Variants in ATP6V1C2 observed in about 807,000 individuals in gnomAD.
The protein encoded by ATP6V1C2 is ATPase H+ transporting V1 subunit C2, also known as V-type proton ATPase subunit C 2.
In ATP6V1C2, 45 loss-of-function variants were observed where a neutral mutation model predicts 56.8. The observed-to-expected ratio is 0.79, with a 90% CI of 0.62 to 1.02. ATP6V1C2 has a LOEUF of 1.02. ATP6V1C2 is among the 50% of genes least tolerant of loss of function. The pLI is 0.00. For synonymous variants in ATP6V1C2, 220 were observed against 201.3 expected (o/e 1.09, Z -0.79); for missense variants, 463 against 519.7 (o/e 0.89, Z 1.06).
At chr2:10,770,986 T>C (rs966055628) in intron 6 of ATP6V1C2, among the ~76,000 whole-genome samples, 7 of 152,148 alleles carry the variant, frequency 4.6e-5, no homozygotes, top group African/African-American at 7.2e-5. Flanking sequence ...GGTGGGATAG[T>C]GTAAGGGTAA....
At chr2:10,777,937 G>T (rs1572620887) in intron 11 of ATP6V1C2, among the ~76,000 whole-genome samples, 1 of 138,944 alleles carries the variant, frequency 7.2e-6, no homozygotes, top group East Asian at 2.4e-4. Context: ...CGGCCAGGGC[G>T]CCTCTCCCCG....
At chr2:10,723,253 A>G (rs566344000) in intron 2 of ATP6V1C2, among the ~76,000 whole-genome samples, 1 of 152,340 alleles carries the variant, frequency 6.6e-6, no homozygotes, top group Non-Finnish European at 1.5e-5. Flanking sequence ...TAATGCTTCA[A>G]AAAGTGGGAA....
At chr2:10,734,324 C>G (rs1367275623) in intron 3 of ATP6V1C2, among the ~76,000 whole-genome samples, 2 of 152,186 alleles carry the variant, frequency 1.3e-5, no homozygotes, top group Non-Finnish European at 2.9e-5. Context: ...TACCATCACA[C>G]TCACAGATTT....
chr2:10,779,831 T>C (rs6714903), intron 12 of ATP6V1C2, among the ~76,000 whole-genome samples: 1 of 151,610 alleles, frequency 6.6e-6, no homozygotes, highest in African/African-American at 2.4e-5. Flanking sequence ...TAGGTGTAGG[T>C]TTTGTTGTTT....
chr2:10,782,213 T>A, intron 12 of ATP6V1C2, 30 bp from the exon 13 acceptor site: 1 of 1,612,380 alleles, frequency 6.2e-7, no homozygotes, highest in Non-Finnish European at 8.5e-7. Flanking sequence ...TTTGGAGCAG[T>A]GAACTGACAC....
intron 4 of ATP6V1C2, among the ~76,000 whole-genome samples, chr2:10,764,024 C>A (rs1664079172): frequency 6.6e-6 from 1 of 152,240 alleles, no homozygotes; most frequent in Admixed American, 6.5e-5. Flanking sequence ...GAAAAACGCA[C>A]CTCCCTGCCG....
chr2:10,747,827 A>G (rs145619252), intron 3 of ATP6V1C2, among the ~76,000 whole-genome samples: 8 of 152,130 alleles, frequency 5.3e-5, no homozygotes, highest in African/African-American at 1.9e-4. Context: ...TTTAAACTGG[A>G]ACACTTATAC....
chr2:10,739,973 G>GCACTTGTAATC lies in ATP6V1C2; in HGVS notation c.197+13406_197+13407insCTTGTAATCCA, dbSNP rs79355332. Among the ~76,000 whole-genome samples the GCACTTGTAATC allele has an allele frequency of 2.7e-4, 41 of 151,498 alleles. 1 individual carries two copies. The East Asian group carries it at 6.8e-3, about 25-fold the overall frequency. On this transcript the variant is annotated intron_variant, in intron 3 of 13. Transcript: ENST00000272238. Reference sequence around the variant, plus strand: ...AAAAATTCGCTGGGCTTGGTGGTGGGCAAGCTTGGGAGGCTGAGGCAGGAG... The same window carrying GCACTTGTAATC: ...AAAAATTCGCTGGGCTTGGTGGTGGGCACTTGTAATCCAAGCTTGGGAGGCTGAGGCAGGAG...
chr2:10,722,593 C>T (rs1398171676), intron 1 of ATP6V1C2, among the ~76,000 whole-genome samples: 1 of 152,176 alleles, frequency 6.6e-6, no homozygotes, highest in Non-Finnish European at 1.5e-5. Context: ...CTCCCTCCTC[C>T]TCTGCTCCTG....
Position 10,782,281 on chromosome 2 carries a change from A to G in ATP6V1C2, c.1100A>G (p.Gln367Arg), listed in dbSNP as rs758761970. The change falls in exon 13 of 14, where the codon CAG (glutamine) becomes CGG (arginine). Residue 367 changes from glutamine (Q) to arginine (R), a missense_variant. Physicochemically the swap from Gln to Arg is conservative, Grantham distance 43. Coordinates refer to ENST00000272238, the MANE Select transcript of ATP6V1C2 (RefSeq NM_001039362.2). ...GTGAACTTCCAGGCAGTGCTCCTGCAGCCGCATAAGAAGTCATCCACCAAG... is the reference window on the plus strand; with the variant it reads ...GTGAACTTCCAGGCAGTGCTCCTGCGGCCGCATAAGAAGTCATCCACCAAG... ...LPVNFQAVLLQPHKKSSTKRL... is the reference protein window; with the variant it reads ...LPVNFQAVLLRPHKKSSTKRL... The G allele has an allele frequency of 1.2e-6, 2 of 1,614,250 alleles. No homozygotes were observed. Among genetic ancestry groups the G allele is most frequent in the Non-Finnish European group, 1.7e-6 (2 of 1,180,048 alleles).
intron 6 of ATP6V1C2, 81 bp downstream of exon 6, chr2:10,768,891 A>T: frequency 8.9e-7 from 1 of 1,125,230 alleles, no homozygotes; most frequent in South Asian, 1.3e-5. Context: ...TCACTGGGCC[A>T]CCTGGGAGTC....
intron 5 of ATP6V1C2, among the ~76,000 whole-genome samples, chr2:10,767,203 C>T (rs199831595): frequency 1.7e-3 from 239 of 136,922 alleles, no homozygotes; most frequent in Non-Finnish European, 3.1e-3. Context: ...CTGTGTTGCC[C>T]AGACTGGAGT....
At position 10,784,489 on chromosome 2, in the gene ATP6V1C2, G is replaced by A. The variant is rs1385352179; in HGVS notation, c.*1226G>A. 3 of 565,554 alleles carry A rather than the reference G, an allele frequency of 5.3e-6. No individual in the cohort carries two copies. The African/African-American group carries it at 5.6e-5, about 11-fold the overall frequency. 35.0% of individuals were successfully genotyped at this position (565,554 alleles called of 1,614,324 possible). ...TGACCTTCGTACCTATGATTATACG[G>A]ATGGAAAAGCTCAGAACTCAGGTGA... On this transcript the variant is annotated 3_prime_UTR_variant, in exon 14 of 14. Coordinates refer to ENST00000272238, the MANE Select transcript of ATP6V1C2 (RefSeq NM_001039362.2).
intron 10 of ATP6V1C2, among the ~76,000 whole-genome samples, chr2:10,775,900 G>A (rs1292662373): frequency 6.6e-6 from 1 of 152,182 alleles, no homozygotes; most frequent in African/African-American, 2.4e-5. Flanking sequence ...GGAGGAATGA[G>A]TAGAAAGTTC....
At position 10,784,883 on chromosome 2, in the gene ATP6V1C2, A is replaced by C; in HGVS notation, c.*1620A>C. ...CCAGGTGCAGAGATGCACAGGCTCA[A>C]GAGAGTAAACCAGGACTGCTGCCCG... On this transcript the variant is annotated 3_prime_UTR_variant, in exon 14 of 14. Transcript: ENST00000272238. The C allele has an allele frequency of 7.6e-7, 1 of 1,317,430 alleles. No individual in the cohort carries two copies. The highest frequency in any genetic ancestry group is 1.1e-6 in the Non-Finnish European group (1 of 932,386). 81.6% of individuals were successfully genotyped at this position (1,317,430 alleles called of 1,614,324 possible). A position where few individuals can be genotyped will look rare whatever the true frequency, so the allele number is the denominator to read the frequency against.
At chr2:10,724,847 AT>A (rs1661554095) in intron 2 of ATP6V1C2, among the ~76,000 whole-genome samples, 1 of 151,844 alleles carries the variant, frequency 6.6e-6, no homozygotes, top group African/African-American at 2.4e-5. Flanking sequence ...TAGTTTTTGT[AT>A]TTTTAGTAGA....
intron 3 of ATP6V1C2, among the ~76,000 whole-genome samples, chr2:10,748,809 C>T (rs1663055849): frequency 1.3e-5 from 2 of 152,120 alleles, no homozygotes; most frequent in East Asian, 3.9e-4. Context: ...ATGGGAATGT[C>T]ACTTAGCTCA....
At chr2:10,733,281 A>G (rs1300276646) in intron 3 of ATP6V1C2, among the ~76,000 whole-genome samples, 1 of 152,170 alleles carries the variant, frequency 6.6e-6, no homozygotes, top group African/African-American at 2.4e-5. Flanking sequence ...AGAGTGGGTT[A>G]TATGTACTAA....
In ATP6V1C2 at chr2:10,785,101, TTAAAAA is replaced by T. The variant is rs766780243; in HGVS notation, c.*1842_*1847del. 12 of 1,067,754 alleles carry T rather than the reference TTAAAAA, an allele frequency of 1.1e-5. No individual in the cohort carries two copies. In the Admixed American group the frequency reaches 1.6e-4, roughly 15 times the overall value. The allele number at this position is 1,067,754 out of a possible 1,614,324, so 66.1% of individuals were successfully genotyped here. A position where few individuals can be genotyped will look rare whatever the true frequency, so the allele number is the denominator to read the frequency against. On this transcript the variant is annotated 3_prime_UTR_variant, in exon 14 of 14. Coordinates refer to ENST00000272238, the MANE Select transcript of ATP6V1C2 (RefSeq NM_001039362.2). ...TGCTGGTGCAGAAGAATAAACAACT[TTAAAAA>T]TAACAGTCTGCCTACTTTGTTTATG...
Sources: gnomAD v4.1 joint callset for allele counts (sites outside exome capture counted in the v4.1 genomes callset) on GRCh38, gnomAD v4.1.1 for gene constraint, MANE v1.5 for transcripts, NCBI Gene and HGNC (gene_info 2026-07-23, HGNC 2026-07-21) for gene names.